Variants in DOK5 observed in about 807,000 individuals in gnomAD.
DOK5 encodes the protein docking protein 5.
Under a neutral mutation model 43.3 loss-of-function variants are expected in DOK5, and 27 were observed. The ratio of observed to expected loss-of-function variants is 0.62; its 90% confidence interval spans 0.46 to 0.86. The LOEUF (loss-of-function observed/expected upper bound fraction) is 0.86, where lower values mean the gene tolerates loss of function less well. Ranked by LOEUF, DOK5 falls within the 40% of genes least tolerant of loss-of-function variation. The pLI, the probability that DOK5 is intolerant of heterozygous loss-of-function variation, is 0.00. For synonymous variants in DOK5, 146 were observed against 140.1 expected, an observed-to-expected ratio of 1.04 and a Z score of -0.30; for missense variants, 373 against 392.9, an observed-to-expected ratio of 0.95 and a Z score of 0.43.
At position 54,641,985 on chromosome 20, in the gene DOK5, C is replaced by T. The variant is rs75563835; in HGVS notation, c.736-1473C>T. On this transcript the variant is annotated intron_variant, in intron 6 of 7. Transcript: ENST00000262593. ...TTGATATTCAAGCATCCAGGAAATTCAACTTTGCAAATAGTCACTTCTTAC... is the reference window on the plus strand; with the variant it reads ...TTGATATTCAAGCATCCAGGAAATTTAACTTTGCAAATAGTCACTTCTTAC... Among the ~76,000 whole-genome samples, 375 of 152,216 alleles carry T rather than the reference C, an allele frequency of 2.5e-3. 4 individuals are homozygous for T. Among genetic ancestry groups the T allele is most frequent in the East Asian group, 0.022 (116 of 5,176 alleles).
At chr20:54,477,882 A>G (rs1981497079) in intron 1 of DOK5, among the ~76,000 whole-genome samples, 1 of 152,176 alleles carries the variant, frequency 6.6e-6, no homozygotes, top group Non-Finnish European at 1.5e-5. Context: ...GGTAACTGAG[A>G]TTATTTTTTC....
At chr20:54,648,246 G>A (rs1184929705) in intron 7 of DOK5, among the ~76,000 whole-genome samples, 4 of 152,050 alleles carry the variant, frequency 2.6e-5, no homozygotes, top group Admixed American at 6.6e-5. Context: ...TAGGCCAAGC[G>A]CTGTGCTAGA....
intron 1 of DOK5, among the ~76,000 whole-genome samples, chr20:54,531,636 G>C (rs143014594): frequency 6.6e-4 from 101 of 152,294 alleles, no homozygotes; most frequent in African/African-American, 2.4e-3. Flanking sequence ...GTTTCTAGGG[G>C]AAAGGCTCTC....
intron 6 of DOK5, among the ~76,000 whole-genome samples, chr20:54,642,549 C>CAAAAAAAAAAAAAAA (rs66463305): frequency 1.0e-5 from 1 of 96,364 alleles, no homozygotes. Context: ...ACTAAAAATA[C>CAAAAAAAAAAAAAAA]AAAAAAAAAA....
At chr20:54,502,334 C>T (rs1032602732) in intron 1 of DOK5, among the ~76,000 whole-genome samples, 13 of 152,144 alleles carry the variant, frequency 8.5e-5, no homozygotes, top group African/African-American at 3.1e-4. Context: ...CAGGAGATAA[C>T]TGGTGAATCA....
chr20:54,493,082 G>C (rs6023290), intron 1 of DOK5, among the ~76,000 whole-genome samples: 48,006 of 136,910 alleles, frequency 0.35, 14,722 homozygotes, highest in African/African-American at 0.84. Context: ...AAAAAAAAAA[G>C]GGATGTGTTT....
At chr20:54,573,199 G>T (rs2146750101) in intron 2 of DOK5, among the ~76,000 whole-genome samples, 1 of 152,258 alleles carries the variant, frequency 6.6e-6, no homozygotes, top group Admixed American at 6.5e-5. Flanking sequence ...TCATTGAGAG[G>T]GTAATATGCA....
chr20:54,621,345 A>G (rs1986971293), intron 6 of DOK5, among the ~76,000 whole-genome samples: 1 of 152,218 alleles, frequency 6.6e-6, no homozygotes, highest in Non-Finnish European at 1.5e-5. Context: ...TGGCAAATGT[A>G]ATTGATTCAA....
chr20:54,590,518 G>C (rs1416806195), intron 4 of DOK5, among the ~76,000 whole-genome samples: 1 of 150,742 alleles, frequency 6.6e-6, no homozygotes, highest in South Asian at 2.1e-4. Flanking sequence ...ACTTTCAAGG[G>C]GGGGGAATAT....
At chr20:54,553,892 GTC>G (rs1568780860) in intron 1 of DOK5, among the ~76,000 whole-genome samples, 2,459 of 107,836 alleles carry the variant, frequency 0.023, 90 homozygotes, top group African/African-American at 0.1. Context: ...GCAAGACTCT[GTC>G]TCAAAAAAAA....
chr20:54,529,485 G>C (rs1038920852), intron 1 of DOK5, among the ~76,000 whole-genome samples: 11 of 152,020 alleles, frequency 7.2e-5, no homozygotes, highest in African/African-American at 2.7e-4. Flanking sequence ...GCATGTGCCA[G>C]GCATTCTGTA....
At chr20:54,616,488 T>C (rs750456704) in intron 6 of DOK5, among the ~76,000 whole-genome samples, 2 of 152,212 alleles carry the variant, frequency 1.3e-5, no homozygotes, top group African/African-American at 2.4e-5. Context: ...CACCCAGTAG[T>C]GTCTGTCCTC....
intron 1 of DOK5, 111 bp from the exon 2 acceptor site, chr20:54,554,822 C>A: frequency 1.5e-6 from 1 of 683,408 alleles, no homozygotes; most frequent in Non-Finnish European, 2.5e-6. Flanking sequence ...AAAGCAACAT[C>A]ACATTTCTGG....
intron 6 of DOK5, among the ~76,000 whole-genome samples, chr20:54,615,923 G>T (rs901362747): frequency 6.6e-6 from 1 of 150,818 alleles, no homozygotes; most frequent in Non-Finnish European, 1.5e-5. Context: ...CATAAAAACA[G>T]GTTCTCCCCC....
At chr20:54,561,369 T>C (rs1257858884) in intron 2 of DOK5, among the ~76,000 whole-genome samples, 1 of 152,218 alleles carries the variant, frequency 6.6e-6, no homozygotes, top group African/African-American at 2.4e-5. Flanking sequence ...CAGAGAGATA[T>C]GTTCCTGCAA....
chr20:54,523,732 A>G (rs1196277990), intron 1 of DOK5, among the ~76,000 whole-genome samples: 3 of 151,682 alleles, frequency 2.0e-5, no homozygotes, highest in African/African-American at 7.3e-5. Flanking sequence ...CAGCCTCCCA[A>G]GTAGCTGGGA....
At chr20:54,568,940 T>C (rs1367521538) in intron 2 of DOK5, among the ~76,000 whole-genome samples, 1 of 43,064 alleles carries the variant, frequency 2.3e-5, no homozygotes, top group Non-Finnish European at 4.7e-5. Flanking sequence ...TCAAAATAAA[T>C]AAATAAATAA....
At chr20:54,591,575 A>G (rs747940948) in intron 4 of DOK5, 41 bp from the exon 5 acceptor site, 6 of 1,452,574 alleles carry the variant, frequency 4.1e-6, no homozygotes. Flanking sequence ...TTGATGTTTT[A>G]TTCCTGGGGA....
At chr20:54,519,844 A>G (rs1983330686) in intron 1 of DOK5, among the ~76,000 whole-genome samples, 4 of 152,188 alleles carry the variant, frequency 2.6e-5, no homozygotes, top group South Asian at 2.1e-4. Flanking sequence ...TTAAGCTTCA[A>G]GGAGATGTGA....
Sources: gnomAD v4.1 joint callset for allele counts (sites outside exome capture counted in the v4.1 genomes callset) on GRCh38, gnomAD v4.1.1 for gene constraint, MANE v1.5 for transcripts, NCBI Gene and HGNC (gene_info 2026-07-23, HGNC 2026-07-21) for gene names.